EXOC2: variants seen among roughly 807,000 people sequenced by gnomAD.
The protein encoded by EXOC2 is SEC5-like 1.
Under a neutral mutation model 131.8 loss-of-function variants are expected in EXOC2, and 70 were observed. The observed-to-expected ratio is 0.53, with a 90% confidence interval of 0.44 to 0.65. The LOEUF is 0.65. Among genes scored for constraint, EXOC2 ranks in the 30% least tolerant of loss-of-function variants. The pLI is 0.00. For synonymous variants in EXOC2, 411 were observed against 398.4 expected (o/e 1.03, Z -0.38); for missense variants, 923 against 1,108.6 (o/e 0.83, Z 2.38).
At chr6:628,137 A>G (rs1354650847) in intron 4 of EXOC2, among the ~76,000 whole-genome samples, 1 of 152,198 alleles carries the variant, frequency 6.6e-6, no homozygotes, top group Non-Finnish European at 1.5e-5. Flanking sequence ...ATCGACCCTA[A>G]GGAACAGGTA....
intron 18 of EXOC2, 68 bp from the exon 19 acceptor site, chr6:556,081 G>C: frequency 7.1e-7 from 1 of 1,418,296 alleles, no homozygotes; most frequent in Non-Finnish European, 9.9e-7. Flanking sequence ...TATGAAGTTA[G>C]ATATGAACAG....
intron 1 of EXOC2, among the ~76,000 whole-genome samples, chr6:648,770 G>A (rs2127734174): frequency 7.0e-6 from 1 of 142,826 alleles, no homozygotes; most frequent in Non-Finnish European, 1.5e-5. Flanking sequence ...CAACCAGGCT[G>A]GAGAGCAGTA....
At chr6:564,196 T>C in intron 15 of EXOC2, 42 bp from the exon 16 acceptor site, 2 of 1,603,506 alleles carry the variant, frequency 1.2e-6, no homozygotes, top group Non-Finnish European at 1.7e-6. Context: ...CAGAGTGGGA[T>C]CGCAAAGCAA....
chr6:556,164 G>GTAA, intron 18 of EXOC2, 151 bp from the exon 19 acceptor site: 2 of 727,124 alleles, frequency 2.8e-6, no homozygotes, highest in Admixed American at 2.5e-5. Flanking sequence ...TGGGCCTACT[G>GTAA]GGAGGTGTTC....
rs754310048 is a variant in EXOC2, at chr6:633,028, C to A, written c.208G>T (p.Asp70Tyr). The A allele has an allele frequency of 6.2e-7, 1 of 1,614,148 alleles. No individual in the cohort carries two copies. The highest frequency in any genetic ancestry group is 1.1e-5 in the South Asian group (1 of 91,080). Reference sequence around the variant, plus strand: ...GTGGTGACAATAATGTCTCCTTTGTCATTTTTGGCTTGTCCCACTCGACAT... The same window carrying A: ...GTGGTGACAATAATGTCTCCTTTGTAATTTTTGGCTTGTCCCACTCGACAT... Reference protein sequence around the residue: ...IVCRVGQAKNDKGDIIVTTKS... With the variant: ...IVCRVGQAKNYKGDIIVTTKS... Residue 70 changes from aspartate (D) to tyrosine (Y), a missense_variant, in exon 3 of 28, where the codon GAC becomes TAC. Asp to Tyr is a radical substitution (Grantham distance 160). Coordinates refer to ENST00000230449, the MANE Select transcript of EXOC2 (RefSeq NM_018303.6).
rs778592345 is a variant in EXOC2 at position 610,094 on chromosome 6, T to G, written c.742+4A>C. Reference sequence around the variant, plus strand: ...ATAGTTCTGGGTAGTAGGACAAAACTTACTGTTCAGAACATTCTCCAGTTT... The same window carrying G: ...ATAGTTCTGGGTAGTAGGACAAAACGTACTGTTCAGAACATTCTCCAGTTT... On this transcript the variant is annotated splice_donor_region_variant and intron_variant, in intron 7 of 27. Transcript: ENST00000230449. 1 of 1,613,368 alleles carries G rather than the reference T, an allele frequency of 6.2e-7. No individual in the cohort carries two copies. Among genetic ancestry groups the G allele is most frequent in the East Asian group, 2.2e-5 (1 of 44,854 alleles).
intron 2 of EXOC2, 60 bp from the exon 3 acceptor site, chr6:633,177 G>A (rs998009658): frequency 1.2e-5 from 18 of 1,538,488 alleles, no homozygotes; most frequent in Admixed American, 3.9e-5. Flanking sequence ...GACCTTAATC[G>A]TGTAGATTAC....
intron 23 of EXOC2, among the ~76,000 whole-genome samples, chr6:519,081 G>A (rs539963271): frequency 2.9e-4 from 42 of 144,760 alleles, no homozygotes; most frequent in African/African-American, 9.4e-4. Context: ...ATCACCCACC[G>A]AGCGCCGACA....
In EXOC2 at chr6:632,972, G is replaced by C. The variant is rs747777762; in HGVS notation, c.264C>G (p.Val88=). Residue 88 remains valine (V), a synonymous_variant, in exon 3 of 28, where the codon GTC becomes GTG. Coordinates refer to ENST00000230449, the MANE Select transcript of EXOC2 (RefSeq NM_018303.6). The part of the protein sequence containing the change: ...TKSGGRGTST[V]SFKLLKPEKI... ...TCTCAGGTTTGAGTAGCTTGAAAGA[G>C]ACTGTTGAGGTTCCTCTGCCACCTG... 1 of 1,613,986 alleles carries C rather than the reference G, an allele frequency of 6.2e-7. No individual in the cohort carries two copies. The highest frequency in any genetic ancestry group is 8.5e-7 in the Non-Finnish European group (1 of 1,179,944).
chr6:674,302 T>C (rs1454544476), intron 1 of EXOC2, among the ~76,000 whole-genome samples: 1 of 151,966 alleles, frequency 6.6e-6, no homozygotes, highest in Non-Finnish European at 1.5e-5. Context: ...CCTCAATAAT[T>C]CTATAAAAAA....
chr6:622,672 C>T (rs1290290012), intron 4 of EXOC2, among the ~76,000 whole-genome samples: 1 of 152,172 alleles, frequency 6.6e-6, no homozygotes, highest in South Asian at 2.1e-4. Flanking sequence ...TCATACTCCA[C>T]GTGTTTAGCC....
chr6:540,572 A>C (rs147143534), intron 22 of EXOC2, among the ~76,000 whole-genome samples: 4 of 152,324 alleles, frequency 2.6e-5, no homozygotes, highest in Non-Finnish European at 4.4e-5. Context: ...CAACTGAAGA[A>C]ACAAGGAACA....
At chr6:558,359 T>C (rs978524787) in intron 17 of EXOC2, among the ~76,000 whole-genome samples, 2 of 152,180 alleles carry the variant, frequency 1.3e-5, no homozygotes, top group Admixed American at 6.5e-5. Flanking sequence ...AAATACCAAC[T>C]GCACAGAAAG....
intron 12 of EXOC2, among the ~76,000 whole-genome samples, chr6:574,903 C>G (rs1196124670): frequency 6.6e-6 from 1 of 152,256 alleles, no homozygotes; most frequent in Non-Finnish European, 1.5e-5. Flanking sequence ...TGCCTGTTTT[C>G]CAGATGGCAG....
intron 21 of EXOC2, among the ~76,000 whole-genome samples, chr6:550,596 T>C (rs1330136259): frequency 6.6e-6 from 1 of 152,210 alleles, no homozygotes; most frequent in Non-Finnish European, 1.5e-5. Context: ...GGTTGTATTA[T>C]GTATGATACT....
intron 23 of EXOC2, among the ~76,000 whole-genome samples, chr6:502,932 A>G (rs1201431561): frequency 3.3e-5 from 5 of 152,218 alleles, no homozygotes; most frequent in African/African-American, 1.2e-4. Flanking sequence ...AGGAAGTGGT[A>G]CCGCTAGTCA....
At chr6:673,972 G>A (rs78857288) in intron 1 of EXOC2, among the ~76,000 whole-genome samples, 1,748 of 152,158 alleles carry the variant, frequency 0.011, 16 homozygotes, top group African/African-American at 0.033. Flanking sequence ...ACAATAAAGC[G>A]AACTGCAATT....
intron 1 of EXOC2, chr6:655,893 GA>G: frequency 2.2e-6 from 1 of 455,658 alleles, no homozygotes; most frequent in Non-Finnish European, 3.9e-6. Flanking sequence ...TCTTAAGCAG[GA>G]AAAAAACCTG....
intron 2 of EXOC2, among the ~76,000 whole-genome samples, chr6:633,396 T>C (rs1177150379): frequency 6.6e-6 from 1 of 152,240 alleles, no homozygotes; most frequent in East Asian, 1.9e-4. Flanking sequence ...GAATTCCAGA[T>C]TACTTAGATT....
Sources: gnomAD v4.1 joint callset for allele counts (sites outside exome capture counted in the v4.1 genomes callset) on GRCh38, gnomAD v4.1.1 for gene constraint, MANE v1.5 for transcripts, NCBI Gene and HGNC (gene_info 2026-07-23, HGNC 2026-07-21) for gene names.